Variants in AHSG observed in about 807,000 individuals in gnomAD.
AHSG encodes the protein alpha 2-HS glycoprotein.
AHSG carries 23 observed loss-of-function variants against 30.1 expected under a neutral mutation model. That is an observed-to-expected ratio of 0.76 (90% confidence interval 0.55 to 1.08). The LOEUF (loss-of-function observed/expected upper bound fraction) is 1.08, where lower values mean the gene tolerates loss of function less well. Among genes scored for constraint, AHSG ranks in the 50% least tolerant of loss-of-function variants. The pLI is 0.00. For synonymous variants in AHSG, 164 were observed against 186.3 expected, an observed-to-expected ratio of 0.88 and a Z score of 0.98; for missense variants, 469 against 459.5, an observed-to-expected ratio of 1.02 and a Z score of -0.19.
At chr3:186,620,564 A>G in intron 6 of AHSG, 22 bp from the exon 7 acceptor site, 2 of 1,567,692 alleles carry the variant, frequency 1.3e-6, no homozygotes, top group Non-Finnish European at 1.7e-6. Flanking sequence ...AAACTAACTG[A>G]AGGAAATGGT....
chr3:186,618,208 G>T (rs543161250), intron 4 of AHSG, among the ~76,000 whole-genome samples: 16 of 152,292 alleles, frequency 1.1e-4, no homozygotes, highest in African/African-American at 3.8e-4. Context: ...GGGCTGGGGG[G>T]AGGCAGGGTT....
At chr3:186,614,369 C>A (rs1264526218) in intron 1 of AHSG, among the ~76,000 whole-genome samples, 1 of 152,128 alleles carries the variant, frequency 6.6e-6, no homozygotes, top group African/African-American at 2.4e-5. Flanking sequence ...AATGGTTCAA[C>A]CTAATACAGT....
intron 5 of AHSG, 116 bp downstream of exon 5, chr3:186,618,753 C>T (rs1158337377): frequency 6.8e-6 from 10 of 1,470,218 alleles, no homozygotes; most frequent in East Asian, 5.2e-5. Context: ...GTGCAAATCC[C>T]CTCTCCCTGT....
At position 186,618,182 on chromosome 3, in the gene AHSG, T is replaced by G. The variant is rs578218941; in HGVS notation, c.574-354T>G. 2.0e-5 allele frequency among the ~76,000 whole-genome samples: 3 copies of G among 152,296 alleles called. No individual in the cohort carries two copies. The South Asian group carries it at 6.2e-4, about 32-fold the overall frequency. The stretch of plus-strand genomic sequence containing the variant: ...AATAACCTGAACCTTGGGTATCAAG[T>G]GCAGCCCAAGAGTGAGGGCTGGGGG... On this transcript the variant is annotated intron_variant, in intron 4 of 6. Coordinates refer to ENST00000411641, the MANE Select transcript of AHSG (RefSeq NM_001622.4).
Position 186,613,184 on chromosome 3 carries a change from G to A in AHSG, c.43G>A (p.Gly15Ser), listed in dbSNP as rs868152128. 2 of 1,613,978 alleles carry A rather than the reference G, an allele frequency of 1.2e-6. No individual in the cohort carries two copies. The highest frequency in any genetic ancestry group is 2.2e-5 in the East Asian group (1 of 44,874). The change falls in exon 1 of 7, where the codon GGC (glycine) becomes AGC (serine). Residue 15 changes from glycine to serine, a missense_variant. Physicochemically the swap from Gly to Ser is moderately conservative, Grantham distance 56. Coordinates refer to ENST00000411641, the MANE Select transcript of AHSG (RefSeq NM_001622.4). ...GCTCCTTTGTCTTGCTCAGCTCTGGGGCTGCCACTCAGCCCCACATGGCCC... is the reference window on the plus strand; with the variant it reads ...GCTCCTTTGTCTTGCTCAGCTCTGGAGCTGCCACTCAGCCCCACATGGCCC... ...VLLLCLAQLW[G>S]CHSAPHGPGL...
rs1716310043 is a variant in AHSG at position 186,616,525 on chromosome 3, C to T, written c.407C>T (p.Pro136Leu). Residue 136 changes from proline (P) to leucine (L), a missense_variant and splice_region_variant, in exon 3 of 7, where the codon CCA becomes CTA. By Grantham distance (98) the Pro-to-Leu change is moderately conservative. Transcript: ENST00000411641. ...SVVYAKCDSSPDSAEDVRKVC... is the reference protein window; with the variant it reads ...SVVYAKCDSSLDSAEDVRKVC... The stretch of plus-strand genomic sequence containing the variant: ...GTATACGCAAAATGTGATTCCAGTC[C>T]AGGTACAGATGACTATTCTTATTCT... 1.2e-6 allele frequency: 2 copies of T among 1,607,472 alleles called. No individual in the cohort carries two copies. The highest frequency in any genetic ancestry group is 1.7e-6 in the Non-Finnish European group (2 of 1,176,226).
Position 186,620,677 on chromosome 3 carries a change from G to A in AHSG, c.851G>A (p.Gly284Asp), listed in dbSNP as rs1579017122. The A allele has an allele frequency of 6.2e-7, 1 of 1,614,096 alleles. No homozygotes were observed. ...GATGCACCTCCGTCCCCTCCACTTG[G>A]CGCACCTGGACTCCCTCCAGCTGGC... Reference protein sequence around the residue: ...DPDAPPSPPLGAPGLPPAGSP... With the variant: ...DPDAPPSPPLDAPGLPPAGSP... Residue 284 changes from glycine to aspartate, a missense_variant, in exon 7 of 7, where the codon GGC becomes GAC. Transcript: ENST00000411641.
At chr3:186,620,468 C>G (rs1049437539) in intron 6 of AHSG, 118 bp from the exon 7 acceptor site, 1 of 901,180 alleles carries the variant, frequency 1.1e-6, no homozygotes, top group African/African-American at 1.7e-5. Flanking sequence ...TTGCTAGACT[C>G]TTTGCAAATA....
intron 2 of AHSG, 40 bp downstream of exon 2, chr3:186,615,835 G>T (rs761716055): frequency 6.4e-7 from 1 of 1,560,248 alleles, no homozygotes; most frequent in South Asian, 1.1e-5. Context: ...TGGCCCTTCG[G>T]CCAGCTCCAC....
intron 4 of AHSG, 81 bp from the exon 5 acceptor site, chr3:186,618,455 A>C: frequency 6.3e-7 from 1 of 1,577,796 alleles, no homozygotes; most frequent in Non-Finnish European, 8.7e-7. Flanking sequence ...TCCCCGAAGG[A>C]GGCTACTTCC....
intron 5 of AHSG, among the ~76,000 whole-genome samples, chr3:186,619,140 C>CA (rs1444390123): frequency 1.3e-5 from 2 of 151,830 alleles, no homozygotes; most frequent in South Asian, 2.1e-4. Flanking sequence ...ACTAAAAATA[C>CA]AAAAAAATTA....
intron 3 of AHSG, 67 bp from the exon 4 acceptor site, chr3:186,617,120 C>G (rs1393389378): frequency 4.5e-6 from 7 of 1,551,994 alleles, no homozygotes; most frequent in South Asian, 1.2e-5. Flanking sequence ...CCCTTGCTAA[C>G]GCAGCAGAGC....
At chr3:186,617,762 T>C (rs1273996562) in intron 4 of AHSG, 1 of 287,792 alleles carries the variant, frequency 3.5e-6, no homozygotes, top group Non-Finnish European at 6.8e-6. Flanking sequence ...TAATACTCAC[T>C]TGTGCTGACA....
At chr3:186,615,818 C>T (rs1716285595) in intron 2 of AHSG, 23 bp downstream of exon 2, 1 of 1,597,090 alleles carries the variant, frequency 6.3e-7, no homozygotes, top group Non-Finnish European at 8.6e-7. Flanking sequence ...CTTAGGATGA[C>T]TGTAGGTGGC....
intron 1 of AHSG, among the ~76,000 whole-genome samples, chr3:186,614,128 G>A (rs1168489019): frequency 6.6e-6 from 1 of 152,146 alleles, no homozygotes; most frequent in African/African-American, 2.4e-5. Flanking sequence ...CCAGTGACAA[G>A]AAAAATCAAG....
intron 1 of AHSG, among the ~76,000 whole-genome samples, chr3:186,613,574 G>A (rs1346672708): frequency 6.6e-6 from 1 of 152,152 alleles, no homozygotes; most frequent in African/African-American, 2.4e-5. Flanking sequence ...GTGTGAGGTG[G>A]TGTGCAGGAG....
intron 2 of AHSG, 58 bp from the exon 3 acceptor site, chr3:186,616,385 G>A: frequency 7.0e-7 from 1 of 1,436,660 alleles, no homozygotes; most frequent in Non-Finnish European, 9.7e-7. Flanking sequence ...CCTGGAGGGA[G>A]CCTGCCCGGG....
In AHSG at chr3:186,617,283, C is replaced by T; in HGVS notation, c.506C>T (p.Ala169Val). 1 of 1,614,192 alleles carries T rather than the reference C, an allele frequency of 6.2e-7. No individual in the cohort carries two copies. Among genetic ancestry groups the T allele is most frequent in the Non-Finnish European group, 8.5e-7 (1 of 1,180,036 alleles). Residue 169 changes from alanine (A) to valine (V), a missense_variant, in exon 4 of 7, where the codon GCC becomes GTC. Physicochemically the swap from Ala to Val is moderately conservative, Grantham distance 64. Coordinates refer to ENST00000411641, the MANE Select transcript of AHSG (RefSeq NM_001622.4). ...GTGCACGCCGCGAAAGCTGCCCTGGCCGCCTTCAACGCTCAGAACAACGGC... is the reference window on the plus strand; with the variant it reads ...GTGCACGCCGCGAAAGCTGCCCTGGTCGCCTTCAACGCTCAGAACAACGGC... The part of the protein sequence containing the change: ...RVVHAAKAAL[A>V]AFNAQNNGSN...
chr3:186,616,654 G>A (rs1716313940), intron 3 of AHSG, 127 bp downstream of exon 3: 2 of 830,552 alleles, frequency 2.4e-6, no homozygotes, highest in South Asian at 3.7e-5. Flanking sequence ...CAAATTTCCT[G>A]GGTTCTGGGA....
Sources: allele counts gnomAD v4.1 joint callset (sites outside exome capture counted in the v4.1 genomes callset), GRCh38; gene constraint gnomAD v4.1.1; transcripts MANE v1.5; gene names NCBI Gene and HGNC (gene_info 2026-07-23, HGNC 2026-07-21).